HS3ST4: variants seen among roughly 807,000 people sequenced by gnomAD.
The protein encoded by HS3ST4 is heparan sulfate glucosamine 3-O-sulfotransferase 4.
HS3ST4 carries 17 observed loss-of-function variants against 29.2 expected under a neutral mutation model. That is an observed-to-expected ratio of 0.58 (90% CI 0.40 to 0.87). The LOEUF is 0.87. Among genes scored for constraint, HS3ST4 ranks in the 40% least tolerant of loss-of-function variants. HS3ST4 has a pLI of 0.00. For synonymous variants in HS3ST4, 314 were observed against 285.7 expected (o/e 1.10, Z -1.00); for missense variants, 627 against 634.5 (o/e 0.99, Z 0.13).
rs1231328832 is a variant in HS3ST4 at position 26,067,938 on chromosome 16, T to C, written c.735-67674T>C. The stretch of plus-strand genomic sequence containing the variant: ...CTCCTCCTTTGCCTTCCACCATGAT[T>C]GTGAGGCCGTCCCAGCCGTGTGGAA... On this transcript the variant is annotated intron_variant, in intron 1 of 1. Transcript: ENST00000331351. Among the ~76,000 whole-genome samples, 6 of 152,170 alleles carry C rather than the reference T, an allele frequency of 3.9e-5. No individual in the cohort carries two copies. In the East Asian group the frequency reaches 1.2e-3, roughly 29 times the overall value.
chr16:26,038,587 A>G (rs760277812), intron 1 of HS3ST4, among the ~76,000 whole-genome samples: 3 of 151,962 alleles, frequency 2.0e-5, no homozygotes, highest in Non-Finnish European at 4.4e-5. Flanking sequence ...GCCTCTGCTC[A>G]TGGGCCCTCT....
chr16:25,992,871 C>A (rs1020756426), intron 1 of HS3ST4, among the ~76,000 whole-genome samples: 1 of 152,216 alleles, frequency 6.6e-6, no homozygotes, highest in Admixed American at 6.5e-5. Flanking sequence ...AGTAATTTTG[C>A]TCCAGCTTTG....
intron 1 of HS3ST4, among the ~76,000 whole-genome samples, chr16:25,728,364 C>G (rs1966550757): frequency 6.6e-6 from 1 of 152,200 alleles, no homozygotes; most frequent in South Asian, 2.1e-4. Flanking sequence ...GCTCAAATAT[C>G]AGGTCTGTGT....
chr16:25,700,263 G>A (rs2141580181), intron 1 of HS3ST4, among the ~76,000 whole-genome samples: 1 of 152,280 alleles, frequency 6.6e-6, no homozygotes, highest in Non-Finnish European at 1.5e-5. Context: ...GTAAGGAGGT[G>A]GACAGGCTCT....
chr16:25,810,992 T>C (rs890474948), intron 1 of HS3ST4, among the ~76,000 whole-genome samples: 14 of 152,222 alleles, frequency 9.2e-5, no homozygotes, highest in African/African-American at 3.4e-4. Flanking sequence ...ATCTTTAATC[T>C]TCAGCTTCTT....
At chr16:26,125,246 G>C (rs1237927270) in intron 1 of HS3ST4, among the ~76,000 whole-genome samples, 1 of 152,162 alleles carries the variant, frequency 6.6e-6, no homozygotes, top group Non-Finnish European at 1.5e-5. Context: ...CTGGCACCAC[G>C]GACCAGTTTT....
intron 1 of HS3ST4, among the ~76,000 whole-genome samples, chr16:26,085,041 G>A (rs1898769796): frequency 6.6e-6 from 1 of 152,208 alleles, no homozygotes; most frequent in Non-Finnish European, 1.5e-5. Flanking sequence ...CCACGGTGAT[G>A]AGCACATGGC....
At chr16:25,727,803 C>T (rs1440022338) in intron 1 of HS3ST4, among the ~76,000 whole-genome samples, 1 of 152,124 alleles carries the variant, frequency 6.6e-6, no homozygotes, top group Admixed American at 6.6e-5. Flanking sequence ...GGTTGCTGAT[C>T]ATTCAGGTGT....
chr16:25,824,247 C>T (rs1016848780), intron 1 of HS3ST4, among the ~76,000 whole-genome samples: 1 of 151,868 alleles, frequency 6.6e-6, no homozygotes, highest in South Asian at 2.1e-4. Flanking sequence ...GGCCTGAATA[C>T]TCAATGAGCA....
chr16:25,853,252 A>G (rs1440608553), intron 1 of HS3ST4, among the ~76,000 whole-genome samples: 1 of 151,358 alleles, frequency 6.6e-6, no homozygotes, highest in African/African-American at 2.4e-5. Context: ...ACTTTACTGT[A>G]TTTTTTCATT....
rs114160371 is a variant in HS3ST4, at chr16:25,833,912, A to T, written c.734+140761A>T. Reference sequence around the variant, plus strand: ...AGAATGTTGTAGGAGAATCCAGATAACTGGCTAGCACTTCACCCATTCATA... The same window carrying T: ...AGAATGTTGTAGGAGAATCCAGATATCTGGCTAGCACTTCACCCATTCATA... On this transcript the variant is annotated intron_variant, in intron 1 of 1. Coordinates refer to ENST00000331351, the MANE Select transcript of HS3ST4 (RefSeq NM_006040.3). Among the ~76,000 whole-genome samples the T allele has an allele frequency of 7.8e-3, 1,187 of 152,328 alleles. 16 individuals carry two copies. The highest frequency in any genetic ancestry group is 0.027 in the African/African-American group (1,124 of 41,558).
intron 1 of HS3ST4, among the ~76,000 whole-genome samples, chr16:25,828,294 T>TCCCTCTC (rs1967251613): frequency 2.2e-5 from 1 of 45,058 alleles, no homozygotes; most frequent in Non-Finnish European, 4.3e-5. Flanking sequence ...CTTTCTTTCT[T>TCCCTCTC]TCTTTCCCTC....
intron 1 of HS3ST4, among the ~76,000 whole-genome samples, chr16:25,811,301 C>T (rs540467159): frequency 3.3e-5 from 5 of 152,192 alleles, no homozygotes; most frequent in African/African-American, 1.2e-4. Flanking sequence ...TCCTCCTCTT[C>T]CTCAGCCTAC....
chr16:25,832,064 A>ACCTCCCAC (rs1412978457), intron 1 of HS3ST4, among the ~76,000 whole-genome samples: 1 of 152,014 alleles, frequency 6.6e-6, no homozygotes, highest in Non-Finnish European at 1.5e-5. Flanking sequence ...CCATGATGAT[A>ACCTCCCAC]CCATTGCACT....
At chr16:26,120,052 A>AGTGT (rs35643541) in intron 1 of HS3ST4, among the ~76,000 whole-genome samples, 7,979 of 131,444 alleles carry the variant, frequency 0.061, 352 homozygotes, top group African/African-American at 0.13. Flanking sequence ...AGCTGAAGGA[A>AGTGT]GTGTGTGTGT....
chr16:25,824,443 G>A (rs9972805), intron 1 of HS3ST4, among the ~76,000 whole-genome samples: 42,532 of 152,072 alleles, frequency 0.28, 6,315 homozygotes, highest in African/African-American at 0.36. Context: ...AGGCCTCACA[G>A]TCATGGCGGA....
At chr16:25,857,948 C>CTTTCTTTCTTTCTTTCT (rs1567257162) in intron 1 of HS3ST4, among the ~76,000 whole-genome samples, 68 of 57,118 alleles carry the variant, frequency 1.2e-3, no homozygotes, top group African/African-American at 4.8e-3. Context: ...TTCTTTCTTT[C>CTTTCTTTCTTTCTTTCT]TTTCTTTCTT....
chr16:25,720,875 A>G (rs1160375219), intron 1 of HS3ST4, among the ~76,000 whole-genome samples: 1 of 152,192 alleles, frequency 6.6e-6, no homozygotes, highest in Non-Finnish European at 1.5e-5. Flanking sequence ...TTCCAAGTGG[A>G]CAGTTGGATG....
intron 1 of HS3ST4, among the ~76,000 whole-genome samples, chr16:26,067,102 A>G (rs138029376): frequency 6.6e-6 from 1 of 152,194 alleles, no homozygotes; most frequent in East Asian, 1.9e-4. Context: ...CTGGTTGCCC[A>G]GAGGGGTGGT....
Sources: allele counts gnomAD v4.1 joint callset (sites outside exome capture counted in the v4.1 genomes callset), GRCh38; gene constraint gnomAD v4.1.1; transcripts MANE v1.5; gene names NCBI Gene and HGNC (gene_info 2026-07-23, HGNC 2026-07-21).